The following SIAH3 variants were observed in gnomAD, a reference collection of about 807,000 sequenced individuals.
SIAH3 encodes siah E3 ubiquitin protein ligase family member 3, also known as seven in absentia homolog 3.
A neutral mutation model predicts 12.6 loss-of-function variants in SIAH3; 9 were observed. That is an observed-to-expected ratio of 0.72 (90% CI 0.43 to 1.25). SIAH3 has a LOEUF of 1.25. Among genes scored for constraint, SIAH3 ranks in the 50% most tolerant of loss-of-function variants. SIAH3 has a pLI of 0.00. For missense variants in SIAH3, 390 were observed against 365.4 expected (o/e 1.07, Z -0.55); for synonymous variants, 154 against 151.1 (o/e 1.02, Z -0.14).
intron 1 of SIAH3, among the ~76,000 whole-genome samples, chr13:45,844,643 C>A (rs1950752416): frequency 6.6e-6 from 1 of 152,184 alleles, no homozygotes; most frequent in Admixed American, 6.5e-5. Context: ...CTCATATATC[C>A]ATATACATAC....
chr13:45,813,447 C>A (rs889494013), intron 1 of SIAH3, among the ~76,000 whole-genome samples: 3 of 152,310 alleles, frequency 2.0e-5, no homozygotes, highest in Admixed American at 6.5e-5. Context: ...AGCTTGGTGA[C>A]CACAAGCCCT....
intron 1 of SIAH3, among the ~76,000 whole-genome samples, chr13:45,808,991 G>A (rs73470598): frequency 0.017 from 2,599 of 152,202 alleles, 63 homozygotes; most frequent in African/African-American, 0.06. Flanking sequence ...TTTCGCCTTC[G>A]GCAGTACATC....
At chr13:45,815,282 A>C (rs1950630403) in intron 1 of SIAH3, among the ~76,000 whole-genome samples, 1 of 151,920 alleles carries the variant, frequency 6.6e-6, no homozygotes, top group Non-Finnish European at 1.5e-5. Context: ...AGTCAGTAAG[A>C]CTTTGAGTGA....
chr13:45,806,451 C>G (rs556280062), intron 1 of SIAH3, among the ~76,000 whole-genome samples: 1 of 152,050 alleles, frequency 6.6e-6, no homozygotes, highest in African/African-American at 2.4e-5. Flanking sequence ...TGATATTAAG[C>G]GAAGTAATGC....
intron 1 of SIAH3, among the ~76,000 whole-genome samples, chr13:45,831,411 A>G (rs1319848910): frequency 5.3e-5 from 8 of 152,042 alleles, no homozygotes; most frequent in Admixed American, 3.9e-4. Context: ...GCGCAAATTG[A>G]TATTTGTAGA....
intron 1 of SIAH3, among the ~76,000 whole-genome samples, chr13:45,830,697 G>A (rs965529696): frequency 6.6e-6 from 1 of 152,160 alleles, no homozygotes; most frequent in African/African-American, 2.4e-5. Flanking sequence ...AGCTCTTCAG[G>A]GCCTCAAGTC....
In SIAH3 at chr13:45,778,183, A is replaced by G. The variant is rs1950490958; in HGVS notation, c.*5200T>C. The G allele has an allele frequency of 6.6e-6, 1 of 152,202 alleles. No homozygotes were observed. Among genetic ancestry groups the G allele is most frequent in the Non-Finnish European group, 1.5e-5 (1 of 68,036 alleles). The allele number at this position is 152,202 out of a possible 1,614,324, so 9.4% of individuals were successfully genotyped here. ...TAATGCATCTTATGTGGTGTTTGAC[A>G]CCACTGCTTGCTGTGTCTCTTGAAT... On this transcript the variant is annotated 3_prime_UTR_variant, in exon 2 of 2. Transcript: ENST00000400405.
chr13:45,784,962 T>G (rs138441488), intron 1 of SIAH3, among the ~76,000 whole-genome samples: 232 of 152,354 alleles, frequency 1.5e-3, no homozygotes, highest in African/African-American at 4.3e-3. Context: ...CAGACATTAC[T>G]ACACTTATAA....
chr13:45,815,858 A>G (rs1314123240), intron 1 of SIAH3, among the ~76,000 whole-genome samples: 1 of 152,244 alleles, frequency 6.6e-6, no homozygotes, highest in African/African-American at 2.4e-5. Flanking sequence ...CACACAGCCG[A>G]CAGAGGCCGT....
At position 45,826,409 on chromosome 13, in the gene SIAH3, A is replaced by AGTGGC. The variant is rs1458146765; in HGVS notation, c.135+25085_135+25086insGCCAC. 2.5e-3 allele frequency among the ~76,000 whole-genome samples: 220 copies of AGTGGC among 86,992 alleles called. 62 individuals carry two copies. The highest frequency in any genetic ancestry group is 4.8e-3 in the South Asian group (7 of 1,460). 57.1% of individuals were successfully genotyped at this position (86,992 alleles called of 152,430 possible). A position where few individuals can be genotyped will look rare whatever the true frequency, so the allele number is the denominator to read the frequency against. Reference sequence around the variant, plus strand: ...GATGGATGGATGGATGGATGGATGGATGGATGGATGGATGGATGGATGAAT... The same window carrying AGTGGC: ...GATGGATGGATGGATGGATGGATGGAGTGGCTGGATGGATGGATGGATGGATGAAT... On this transcript the variant is annotated intron_variant, in intron 1 of 1. Coordinates refer to ENST00000400405, the MANE Select transcript of SIAH3 (RefSeq NM_198849.3).
chr13:45,805,705 A>G (rs1037714969), intron 1 of SIAH3, among the ~76,000 whole-genome samples: 3 of 152,228 alleles, frequency 2.0e-5, no homozygotes, highest in African/African-American at 7.2e-5. Context: ...AGCAATTGCA[A>G]CAAAGACAGA....
chr13:45,788,407 C>T (rs1338211529), intron 1 of SIAH3, among the ~76,000 whole-genome samples: 1 of 152,158 alleles, frequency 6.6e-6, no homozygotes, highest in African/African-American at 2.4e-5. Context: ...TGATAAACCC[C>T]TCAGTCAGTC....
At chr13:45,826,107 GA>G (rs1268085297) in intron 1 of SIAH3, among the ~76,000 whole-genome samples, 1 of 152,146 alleles carries the variant, frequency 6.6e-6, no homozygotes, top group Non-Finnish European at 1.5e-5. Context: ...CTTTTTTAAA[GA>G]AAGCTTTCCT....
At chr13:45,839,490 C>T (rs75175004) in intron 1 of SIAH3, among the ~76,000 whole-genome samples, 1,840 of 152,246 alleles carry the variant, frequency 0.012, 33 homozygotes, top group East Asian at 0.042. Context: ...TTGAATTGAG[C>T]ATTTACATAA....
rs528426576 is a variant in SIAH3, at chr13:45,838,979, A to G, written c.135+12516T>C. Among the ~76,000 whole-genome samples, 28 of 152,268 alleles carry G rather than the reference A, an allele frequency of 1.8e-4. No individual in the cohort carries two copies. In the South Asian group the frequency reaches 5.2e-3, roughly 28 times the overall value. On this transcript the variant is annotated intron_variant, in intron 1 of 1. Coordinates refer to ENST00000400405, the MANE Select transcript of SIAH3 (RefSeq NM_198849.3). ...GAAAAAGAAAATGTTGGAAGGGCATAAGGGGAAGCGTTTACCAGAAACCAA... is the reference window on the plus strand; with the variant it reads ...GAAAAAGAAAATGTTGGAAGGGCATGAGGGGAAGCGTTTACCAGAAACCAA...
chr13:45,779,182 C>T lies in SIAH3; in HGVS notation c.*4201G>A, dbSNP rs1950494980. 1.3e-5 allele frequency: 2 copies of T among 151,986 alleles called. No individual in the cohort carries two copies. The highest frequency in any genetic ancestry group is 4.8e-5 in the African/African-American group (2 of 41,324). 9.4% of individuals were successfully genotyped at this position (151,986 alleles called of 1,614,324 possible). On this transcript the variant is annotated 3_prime_UTR_variant, in exon 2 of 2. Transcript: ENST00000400405. ...TACAGATGTGATAGATGTAAATAACCCCAGGAGCATAGAGAATAAAAAGAG... is the reference window on the plus strand; with the variant it reads ...TACAGATGTGATAGATGTAAATAACTCCAGGAGCATAGAGAATAAAAAGAG...
At chr13:45,813,503 T>A (rs988951875) in intron 1 of SIAH3, among the ~76,000 whole-genome samples, 8 of 152,330 alleles carry the variant, frequency 5.3e-5, no homozygotes, top group Admixed American at 4.6e-4. Context: ...TCATCATCCA[T>A]CTTAGTCAGT....
chr13:45,834,143 A>T (rs1404653045), intron 1 of SIAH3, among the ~76,000 whole-genome samples: 1 of 152,216 alleles, frequency 6.6e-6, no homozygotes, highest in African/African-American at 2.4e-5. Flanking sequence ...CAGTCATTAC[A>T]TTCCAAACAA....
chr13:45,783,831 T>A lies in SIAH3; in HGVS notation c.362A>T (p.Glu121Val). Residue 121 changes from glutamate to valine, a missense_variant, in exon 2 of 2, where the codon GAG (glutamate) becomes GTG (valine). Coordinates refer to ENST00000400405, the MANE Select transcript of SIAH3 (RefSeq NM_198849.3). ...CTGCCGCAGGTGGGGCACCACCACC[T>A]CCAGGCGGCCTTCCCACTGGCAGGA... ...LFSCQWEGRL[E>V]VVVPHLRQIH... 1 of 1,614,132 alleles carries A rather than the reference T, an allele frequency of 6.2e-7. No homozygotes were observed.
Sources: gnomAD v4.1 joint callset for allele counts (sites outside exome capture counted in the v4.1 genomes callset) on GRCh38, gnomAD v4.1.1 for gene constraint, MANE v1.5 for transcripts, NCBI Gene and HGNC (gene_info 2026-07-23, HGNC 2026-07-21) for gene names.